Variants in SPOCK3 observed in about 807,000 individuals in gnomAD.
SPOCK3 encodes the protein SPARC (osteonectin), cwcv and kazal like domains proteoglycan 3, also known as testican-3.
Under a neutral mutation model 56.6 loss-of-function variants are expected in SPOCK3, and 30 were observed. The observed-to-expected ratio is 0.53, with a 90% CI of 0.40 to 0.72. SPOCK3 has a LOEUF of 0.72. Among genes scored for constraint, SPOCK3 ranks in the 30% least tolerant of loss-of-function variants. The pLI is 0.00. For synonymous variants in SPOCK3, 196 were observed against 183.3 expected, an observed-to-expected ratio of 1.07 and a Z score of -0.56; for missense variants, 527 against 530.0, an observed-to-expected ratio of 0.99 and a Z score of 0.06.
At chr4:166,889,549 A>G (rs933799818) in intron 5 of SPOCK3, among the ~76,000 whole-genome samples, 7 of 152,064 alleles carry the variant, frequency 4.6e-5, no homozygotes, top group Admixed American at 3.9e-4. Flanking sequence ...AGAACATTTT[A>G]GAATCAAATG....
chr4:166,845,604 G>C (rs1055206577), intron 6 of SPOCK3, among the ~76,000 whole-genome samples: 1 of 152,040 alleles, frequency 6.6e-6, no homozygotes, highest in Non-Finnish European at 1.5e-5. Context: ...TTTACCAGAG[G>C]GTAGAAAACA....
At chr4:166,883,502 T>G (rs915431680) in intron 6 of SPOCK3, among the ~76,000 whole-genome samples, 2 of 152,216 alleles carry the variant, frequency 1.3e-5, no homozygotes, top group Non-Finnish European at 2.9e-5. Flanking sequence ...TTGTGGTTGT[T>G]GAATGATCTC....
chr4:166,957,823 C>G (rs920671664), intron 4 of SPOCK3, among the ~76,000 whole-genome samples: 1 of 152,046 alleles, frequency 6.6e-6, no homozygotes, highest in African/African-American at 2.4e-5. Context: ...ATGTCTATGC[C>G]CTCATTGTAT....
At position 166,768,074 on chromosome 4, in the gene SPOCK3, ATGTG is replaced by A. The variant is rs1398039001; in HGVS notation, c.710-13349_710-13346del. On this transcript the variant is annotated intron_variant, in intron 7 of 10. Transcript: ENST00000357545. ...TCCTCCATCCCTTTATTTTGAGCCTATGTGTGTCTCTGCATGTGAGATGGGTCTC... is the reference window on the plus strand; with the variant it reads ...TCCTCCATCCCTTTATTTTGAGCCTATGTCTCTGCATGTGAGATGGGTCTC... 4.0e-5 allele frequency among the ~76,000 whole-genome samples: 6 copies of A among 151,302 alleles called. No individual in the cohort carries two copies. In the East Asian group the frequency reaches 1.2e-3, roughly 29 times the overall value.
chr4:167,026,369 C>T (rs760788297), intron 3 of SPOCK3, among the ~76,000 whole-genome samples: 29 of 151,992 alleles, frequency 1.9e-4, no homozygotes, highest in Non-Finnish European at 3.2e-4. Context: ...GGCATCTTTA[C>T]TAAGAACTAC....
intron 2 of SPOCK3, among the ~76,000 whole-genome samples, chr4:167,132,010 C>T (rs1762742967): frequency 6.6e-6 from 1 of 152,152 alleles, no homozygotes; most frequent in Non-Finnish European, 1.5e-5. Context: ...TATCTAGCAT[C>T]TCTCCAAGAA....
intron 4 of SPOCK3, among the ~76,000 whole-genome samples, chr4:166,942,594 T>C (rs191483325): frequency 3.3e-5 from 5 of 152,036 alleles, no homozygotes; most frequent in Admixed American, 2.0e-4. Flanking sequence ...TAGAACACTA[T>C]ATATATTTCA....
chr4:166,779,799 T>G (rs755852674), intron 7 of SPOCK3, among the ~76,000 whole-genome samples: 1 of 152,132 alleles, frequency 6.6e-6, no homozygotes, highest in Non-Finnish European at 1.5e-5. Context: ...ACAAAGGTCA[T>G]TCCTAATCAT....
At position 166,954,405 on chromosome 4, in the gene SPOCK3, A is replaced by G. The variant is rs191371583; in HGVS notation, c.351-41662T>C. ...AGCAACATTATGGAAGTTTTCCCCTATGATTTTTTTTCTAGTAGTTTCATA... is the reference window on the plus strand; with the variant it reads ...AGCAACATTATGGAAGTTTTCCCCTGTGATTTTTTTTCTAGTAGTTTCATA... On this transcript the variant is annotated intron_variant, in intron 4 of 10. Transcript: ENST00000357545. 2.4e-4 allele frequency among the ~76,000 whole-genome samples: 36 copies of G among 152,020 alleles called. No individual in the cohort carries two copies. The East Asian group carries it at 6.6e-3, about 28-fold the overall frequency.
intron 2 of SPOCK3, among the ~76,000 whole-genome samples, chr4:167,085,519 T>C (rs1758113518): frequency 6.6e-6 from 1 of 152,152 alleles, no homozygotes; most frequent in Admixed American, 6.6e-5. Context: ...CTTCCTTCCT[T>C]TCAATGGGAG....
intron 4 of SPOCK3, among the ~76,000 whole-genome samples, chr4:166,935,313 C>T (rs954834112): frequency 2.6e-5 from 4 of 152,084 alleles, no homozygotes; most frequent in Non-Finnish European, 4.4e-5. Context: ...ATAAAAGTGG[C>T]AAAACTCCAA....
intron 4 of SPOCK3, among the ~76,000 whole-genome samples, chr4:166,991,769 G>A (rs1304853981): frequency 6.6e-6 from 1 of 152,126 alleles, no homozygotes; most frequent in African/African-American, 2.4e-5. Context: ...TGAAACAGCA[G>A]GCATCAGCAT....
intron 5 of SPOCK3, among the ~76,000 whole-genome samples, chr4:166,909,683 C>T (rs1008181052): frequency 2.0e-5 from 3 of 152,060 alleles, no homozygotes; most frequent in Admixed American, 2.0e-4. Flanking sequence ...CAGGACTACT[C>T]AGGGGAGGAT....
At chr4:167,175,389 G>C (rs528114825) in intron 2 of SPOCK3, among the ~76,000 whole-genome samples, 1 of 152,172 alleles carries the variant, frequency 6.6e-6, no homozygotes, top group East Asian at 1.9e-4. Flanking sequence ...TTTTGTTTCT[G>C]AGAATATAGT....
rs377741422 is a variant in SPOCK3, at chr4:166,912,714, T to G, written c.380A>C (p.Gln127Pro). ...RMKEAGVDHRQWRGPILSTCK... is the reference protein window; with the variant it reads ...RMKEAGVDHRPWRGPILSTCK... ...GGTGGATAATATGGGACCCCTCCAC[T>G]GCCTATGGTCTACTCCTGCTTCTTT... Residue 127 changes from glutamine to proline, a missense_variant, in exon 5 of 11, where the codon CAG becomes CCG. Physicochemically the swap from Gln to Pro is moderately conservative, Grantham distance 76 (BLOSUM62 -1). Transcript: ENST00000357545. The G allele has an allele frequency of 1.2e-6, 2 of 1,612,984 alleles. No homozygotes were observed. Among genetic ancestry groups the G allele is most frequent in the Non-Finnish European group, 1.7e-6 (2 of 1,179,520 alleles).
intron 7 of SPOCK3, among the ~76,000 whole-genome samples, chr4:166,787,568 TA>T (rs1740868164): frequency 6.6e-6 from 1 of 152,206 alleles, no homozygotes; most frequent in East Asian, 1.9e-4. Flanking sequence ...CAACATTTAA[TA>T]AAAAACACAA....
chr4:166,964,970 T>C (rs1202826522), intron 4 of SPOCK3, among the ~76,000 whole-genome samples: 3 of 151,980 alleles, frequency 2.0e-5, no homozygotes, highest in Non-Finnish European at 4.4e-5. Flanking sequence ...CTCTCTTGTG[T>C]TGGGACTTTT....
At chr4:167,000,070 G>T (rs1049655155) in intron 4 of SPOCK3, among the ~76,000 whole-genome samples, 1 of 152,048 alleles carries the variant, frequency 6.6e-6, no homozygotes, top group Non-Finnish European at 1.5e-5. Context: ...CCTTAAACTT[G>T]AAAAAGCACA....
intron 6 of SPOCK3, among the ~76,000 whole-genome samples, chr4:166,877,714 G>A (rs958379106): frequency 6.6e-6 from 1 of 151,996 alleles, no homozygotes; most frequent in Admixed American, 6.6e-5. Context: ...GATGATTTGG[G>A]AAAAATATAT....
Sources: gnomAD v4.1 joint callset for allele counts (sites outside exome capture counted in the v4.1 genomes callset) on GRCh38, gnomAD v4.1.1 for gene constraint, MANE v1.5 for transcripts, NCBI Gene and HGNC (gene_info 2026-07-23, HGNC 2026-07-21) for gene names.